The following ARGFX variants were observed in gnomAD, a reference collection of about 807,000 sequenced individuals.
ARGFX encodes the protein arginine-fifty homeobox.
A neutral mutation model predicts 8.0 loss-of-function variants in ARGFX; 10 were observed. The observed-to-expected ratio is 1.25, with a 90% confidence interval of 0.77 to 2.12. ARGFX has a LOEUF of 2.12. Ranked by LOEUF, ARGFX falls within the 30% of genes most tolerant of loss-of-function variation. ARGFX has a pLI of 0.00. For synonymous variants in ARGFX, 116 were observed against 117.8 expected (o/e 0.98, Z 0.10); for missense variants, 282 against 324.3 (o/e 0.87, Z 1.00).
intron 3 of ARGFX, among the ~76,000 whole-genome samples, chr3:121,582,004 G>C (rs1303188696): frequency 1.3e-5 from 2 of 152,160 alleles, no homozygotes; most frequent in Non-Finnish European, 2.9e-5. Context: ...CAGCTCTAGA[G>C]AGTAATTGGG....
At chr3:121,569,092 CA>C (rs574861292) in intron 1 of ARGFX, among the ~76,000 whole-genome samples, 12 of 151,406 alleles carry the variant, frequency 7.9e-5, no homozygotes, top group South Asian at 2.1e-4. Flanking sequence ...TTTCCACACA[CA>C]AAAAAAAATT....
chr3:121,589,919 G>A lies in ARGFX; in HGVS notation c.*3319G>A, dbSNP rs2048835520. On this transcript the variant is annotated 3_prime_UTR_variant, in exon 5 of 5. Coordinates refer to ENST00000334384, the MANE Select transcript of ARGFX (RefSeq NM_001012659.2). ...TCCAAAGAAAGCAGAAAGAAGGAAA[G>A]CCTAGAACAGAAATAAATGAAATAG... Among the ~76,000 whole-genome samples, 1 of 151,734 alleles carries A rather than the reference G, an allele frequency of 6.6e-6. No individual in the cohort carries two copies. The highest frequency in any genetic ancestry group is 1.5e-5 in the Non-Finnish European group (1 of 67,936).
chr3:121,579,153 C>A (rs1444847120), intron 3 of ARGFX, among the ~76,000 whole-genome samples: 3 of 152,124 alleles, frequency 2.0e-5, no homozygotes, highest in Admixed American at 1.3e-4. Context: ...GGAAGAAATG[C>A]GCCCCACATG....
chr3:121,584,909 C>T lies in ARGFX; in HGVS notation c.221-8C>T. 6.2e-7 allele frequency: 1 copy of T among 1,610,034 alleles called. No homozygotes were observed. The highest frequency in any genetic ancestry group is 1.1e-5 in the South Asian group (1 of 90,340). ...TGTAACCACCCCTTCTTTATCTCTG[C>T]CCTGAAGCAATACGGAGAAGGCATA... On this transcript the variant is annotated splice_region_variant and splice_polypyrimidine_tract_variant and intron_variant, in intron 3 of 4. Transcript: ENST00000334384.
At chr3:121,570,594 C>T (rs2048701545) in intron 1 of ARGFX, 108 bp from the exon 2 acceptor site, 2 of 559,392 alleles carry the variant, frequency 3.6e-6, no homozygotes, top group Admixed American at 7.5e-5. Context: ...TGGGGGTTAA[C>T]CTCACTTGCC....
rs1037058149 is a variant in ARGFX, at chr3:121,590,033, T to C, written c.*3433T>C. The stretch of plus-strand genomic sequence containing the variant: ...ACAAAATGGCAAACATTTAGCTAGA[T>C]TGACCACCCCCTCAAAAGACTCAAA... On this transcript the variant is annotated 3_prime_UTR_variant, in exon 5 of 5. Transcript: ENST00000334384. Among the ~76,000 whole-genome samples, 18 of 152,270 alleles carry C rather than the reference T, an allele frequency of 1.2e-4. No individual in the cohort carries two copies. Among genetic ancestry groups the C allele is most frequent in the African/African-American group, 4.1e-4 (17 of 41,566 alleles).
rs146581415 is a variant in ARGFX at position 121,581,085 on chromosome 3, C to T, written c.221-3832C>T. Among the ~76,000 whole-genome samples the T allele has an allele frequency of 8.5e-4, 130 of 152,134 alleles. 1 individual carries two copies. The highest frequency in any genetic ancestry group is 2.8e-3 in the African/African-American group (118 of 41,510). On this transcript the variant is annotated intron_variant, in intron 3 of 4. Transcript: ENST00000334384. The stretch of plus-strand genomic sequence containing the variant: ...CTGCCTCCCGGGTTCAAGCGACTCT[C>T]GTGCCTCAAGTAGCTGGGCTTACAG...
intron 2 of ARGFX, among the ~76,000 whole-genome samples, chr3:121,573,858 A>G (rs1386376288): frequency 6.6e-6 from 1 of 150,474 alleles, no homozygotes; most frequent in African/African-American, 2.4e-5. Flanking sequence ...CAAAAAAAAA[A>G]AAAAAAAAAA....
rs149019542 is a variant in ARGFX, at chr3:121,578,975, C to T, written c.220+2075C>T. Among the ~76,000 whole-genome samples the T allele has an allele frequency of 3.3e-5, 5 of 152,252 alleles. No individual in the cohort carries two copies. In the East Asian group the frequency reaches 9.6e-4, roughly 29 times the overall value. ...TAAAGGCGTGAGCCACCGTGCCCGG[C>T]CTGAAAAGTACTGTTTTAAAAGCAA... is the stretch of plus-strand genomic sequence containing the variant. On this transcript the variant is annotated intron_variant, in intron 3 of 4. Coordinates refer to ENST00000334384, the MANE Select transcript of ARGFX (RefSeq NM_001012659.2).
intron 3 of ARGFX, among the ~76,000 whole-genome samples, chr3:121,580,832 G>A (rs2048774602): frequency 2.6e-5 from 4 of 151,604 alleles, no homozygotes; most frequent in Non-Finnish European, 5.9e-5. Flanking sequence ...AAATACAGAA[G>A]CAAGCTAATG....
intron 2 of ARGFX, among the ~76,000 whole-genome samples, chr3:121,573,900 C>A (rs1189703458): frequency 2.0e-5 from 3 of 147,232 alleles, no homozygotes; most frequent in African/African-American, 7.5e-5. Context: ...GATCTTTCTC[C>A]AAAGAAGATA....
chr3:121,583,507 C>T (rs896780709), intron 3 of ARGFX, among the ~76,000 whole-genome samples: 3 of 151,790 alleles, frequency 2.0e-5, no homozygotes, highest in Admixed American at 6.6e-5. Context: ...TGCAGTGACA[C>T]AATTATGGTT....
At chr3:121,584,041 G>A (rs773964805) in intron 3 of ARGFX, among the ~76,000 whole-genome samples, 17 of 152,058 alleles carry the variant, frequency 1.1e-4, no homozygotes, top group Non-Finnish European at 2.2e-4. Context: ...TTAGCCAGGA[G>A]GGGTGATAGT....
At chr3:121,584,077 G>A (rs771840144) in intron 3 of ARGFX, among the ~76,000 whole-genome samples, 3 of 152,062 alleles carry the variant, frequency 2.0e-5, no homozygotes, top group Non-Finnish European at 2.9e-5. Flanking sequence ...TACTCAGGAG[G>A]ATGAAGCCAG....
chr3:121,577,785 G>T (rs2048752684), intron 3 of ARGFX, among the ~76,000 whole-genome samples: 1 of 151,674 alleles, frequency 6.6e-6, no homozygotes, highest in African/African-American at 2.4e-5. Flanking sequence ...TATAAAGTAG[G>T]TATTCATTTT....
chr3:121,582,175 T>C (rs2048783937), intron 3 of ARGFX, among the ~76,000 whole-genome samples: 1 of 152,168 alleles, frequency 6.6e-6, no homozygotes, highest in African/African-American at 2.4e-5. Context: ...AAGTCACAAA[T>C]GCACCCCTAT....
intron 2 of ARGFX, among the ~76,000 whole-genome samples, chr3:121,573,002 A>G (rs1464176045): frequency 6.6e-6 from 1 of 152,240 alleles, no homozygotes; most frequent in African/African-American, 2.4e-5. Context: ...AAAATGGATC[A>G]AGTCCTAAAC....
intron 3 of ARGFX, among the ~76,000 whole-genome samples, chr3:121,578,836 A>AT (rs71668158): frequency 0.43 from 59,997 of 140,038 alleles, 13,019 homozygotes; most frequent in Middle Eastern, 0.51. Context: ...ACACCCAGCT[A>AT]TTTTTTTTTT....
At chr3:121,568,577 G>A (rs2048687350) in intron 1 of ARGFX, among the ~76,000 whole-genome samples, 1 of 152,130 alleles carries the variant, frequency 6.6e-6, no homozygotes, top group African/African-American at 2.4e-5. Flanking sequence ...AGTGGGCCAG[G>A]GTTTAGACTG....
Sources: allele counts gnomAD v4.1 joint callset (sites outside exome capture counted in the v4.1 genomes callset), GRCh38; gene constraint gnomAD v4.1.1; transcripts MANE v1.5; gene names NCBI Gene and HGNC (gene_info 2026-07-23, HGNC 2026-07-21).